The following SPIRE1 variants were observed in gnomAD, a reference collection of about 807,000 sequenced individuals.
SPIRE1 encodes the protein spire type actin nucleation factor 1.
In SPIRE1, 40 loss-of-function variants were observed where a neutral mutation model predicts 94.1. The observed-to-expected ratio is 0.43, with a 90% CI of 0.33 to 0.55. The LOEUF (loss-of-function observed/expected upper bound fraction) is 0.55. SPIRE1 is among the 20% of genes least tolerant of loss of function. The pLI, the probability that SPIRE1 is intolerant of heterozygous loss-of-function variation, is 0.06. For synonymous variants in SPIRE1, 376 were observed against 371.7 expected (o/e 1.01, Z -0.13); for missense variants, 838 against 975.2 (o/e 0.86, Z 1.87).
intron 10 of SPIRE1, among the ~76,000 whole-genome samples, chr18:12,474,471 T>G (rs1650365204): frequency 6.6e-6 from 1 of 152,180 alleles, no homozygotes. Flanking sequence ...CATTTCCAGC[T>G]GATTGACACT....
chr18:12,459,640 A>C (rs2031687792), intron 12 of SPIRE1: 1 of 537,938 alleles, frequency 1.9e-6, no homozygotes, highest in Non-Finnish European at 2.4e-6. Context: ...GGAATCAATG[A>C]TTGGAAGCAA....
chr18:12,594,640 T>C (rs2036621707), intron 2 of SPIRE1, among the ~76,000 whole-genome samples: 1 of 152,244 alleles, frequency 6.6e-6, no homozygotes, highest in Non-Finnish European at 1.5e-5. Flanking sequence ...ATTTTTCCTT[T>C]GCTTTTGCTT....
intron 16 of SPIRE1, among the ~76,000 whole-genome samples, chr18:12,451,381 T>C (rs1220015092): frequency 1.3e-5 from 2 of 152,192 alleles, no homozygotes; most frequent in Non-Finnish European, 2.9e-5. Context: ...AGTAAATATT[T>C]CCAGGAATGT....
chr18:12,466,527 G>A (rs1244750989), intron 10 of SPIRE1, among the ~76,000 whole-genome samples: 2 of 151,982 alleles, frequency 1.3e-5, no homozygotes, highest in Non-Finnish European at 2.9e-5. Flanking sequence ...TGATCTGCCT[G>A]CCTCAGCCTC....
At chr18:12,637,419 T>C (rs2037964296) in intron 1 of SPIRE1, among the ~76,000 whole-genome samples, 1 of 151,334 alleles carries the variant, frequency 6.6e-6, no homozygotes. Context: ...ATTCTGAAGA[T>C]AAAGAGAATT....
At chr18:12,475,769 C>T (rs187430551) in intron 10 of SPIRE1, among the ~76,000 whole-genome samples, 121 of 152,258 alleles carry the variant, frequency 7.9e-4, no homozygotes, top group Non-Finnish European at 1.2e-3. Flanking sequence ...AAAACTACCA[C>T]GTTTTGGAAC....
At chr18:12,480,907 C>T (rs1568197894) in intron 9 of SPIRE1, among the ~76,000 whole-genome samples, 2 of 152,182 alleles carry the variant, frequency 1.3e-5, no homozygotes, top group Admixed American at 6.5e-5. Context: ...CCAGCACACT[C>T]GACTGCTCTT....
chr18:12,479,906 C>G (rs772527326), intron 9 of SPIRE1, 35 bp from the exon 10 acceptor site: 1 of 1,591,774 alleles, frequency 6.3e-7, no homozygotes, highest in South Asian at 1.1e-5. Context: ...TTTTCTTGAG[C>G]CAAGAAAGGT....
chr18:12,487,548 C>T (rs2032428321), intron 8 of SPIRE1, among the ~76,000 whole-genome samples: 1 of 151,844 alleles, frequency 6.6e-6, no homozygotes, highest in Non-Finnish European at 1.5e-5. Context: ...GTGCCTGCCA[C>T]CAGGCCCAGC....
upstream of SPIRE1, among the ~76,000 whole-genome samples, chr18:12,659,149 T>C (rs2038642611): frequency 6.6e-6 from 1 of 152,200 alleles, no homozygotes; most frequent in Non-Finnish European, 1.5e-5. Context: ...CTACAGAGTG[T>C]TGAAAGCATC....
At chr18:12,656,736 C>A (rs1598593752) in intron 1 of SPIRE1, 18 of 970,588 alleles carry the variant, frequency 1.9e-5, no homozygotes, top group Non-Finnish European at 2.1e-5. Context: ...TCTGAGTAAA[C>A]CCTGGCTATA....
intron 2 of SPIRE1, among the ~76,000 whole-genome samples, chr18:12,600,631 C>A (rs1385823642): frequency 6.6e-6 from 1 of 152,114 alleles, no homozygotes. Flanking sequence ...TAAGGAAGAA[C>A]TTTCCTTTCT....
intron 9 of SPIRE1, among the ~76,000 whole-genome samples, chr18:12,484,178 GCAGCCAAC>G (rs1231525780): frequency 3.9e-5 from 6 of 152,092 alleles, no homozygotes; most frequent in Admixed American, 2.0e-4. Context: ...ATGTGTTTAG[GCAGCCAAC>G]CACTCGCTTT....
rs72877239 is a variant in SPIRE1 at position 12,499,222 on chromosome 18, T to G, written c.973-3120A>C. Among the ~76,000 whole-genome samples the G allele has an allele frequency of 3.9e-5, 6 of 152,270 alleles. No homozygotes were observed. In the South Asian group the frequency reaches 6.2e-4, roughly 16 times the overall value. ...GGGCCAAACATCCTTCTTTGCATGT[T>G]GATACCTAGTTGTCCCAATATCAAT... On this transcript the variant is annotated intron_variant, in intron 6 of 16. Coordinates refer to ENST00000409402, the MANE Select transcript of SPIRE1 (RefSeq NM_001128626.2).
At chr18:12,549,766 T>C (rs1941501207) in intron 2 of SPIRE1, among the ~76,000 whole-genome samples, 1 of 151,928 alleles carries the variant, frequency 6.6e-6, no homozygotes, top group Non-Finnish European at 1.5e-5. Flanking sequence ...TCCTTCTTCC[T>C]AGGGAGGCGG....
At chr18:12,498,275 A>T (rs1399148469) in intron 6 of SPIRE1, among the ~76,000 whole-genome samples, 4 of 152,212 alleles carry the variant, frequency 2.6e-5, no homozygotes, top group African/African-American at 9.7e-5. Context: ...ATTTTCCTGT[A>T]AGTAAACAAG....
At chr18:12,523,097 C>T (rs1041562532) in intron 4 of SPIRE1, among the ~76,000 whole-genome samples, 1 of 152,116 alleles carries the variant, frequency 6.6e-6, no homozygotes, top group African/African-American at 2.4e-5. Context: ...ACTGGTGATT[C>T]ATGAAAGGAG....
chr18:12,658,100 T>A lies in SPIRE1; in HGVS notation c.-234A>T, dbSNP rs2038611930. ...CAGCCGCCGGCCGGTAGCGACGCGA[T>A]GGCGTCCGGCGCCCCGCCCCGCCCC... is the stretch of plus-strand genomic sequence containing the variant. On this transcript the variant is annotated 5_prime_UTR_variant, in exon 1 of 17. Transcript: ENST00000409402. The A allele has an allele frequency of 1.0e-6, 1 of 960,722 alleles. No individual in the cohort carries two copies. Among genetic ancestry groups the A allele is most frequent in the South Asian group, 4.6e-5 (1 of 21,958 alleles). 59.5% of individuals were successfully genotyped at this position (960,722 alleles called of 1,614,324 possible). A position where few individuals can be genotyped will look rare whatever the true frequency, so the allele number is the denominator to read the frequency against.
At chr18:12,505,121 C>G (rs770121481) in intron 6 of SPIRE1, among the ~76,000 whole-genome samples, 16 of 152,072 alleles carry the variant, frequency 1.1e-4, no homozygotes, top group Non-Finnish European at 2.2e-4. Flanking sequence ...ATGACATGAT[C>G]ATATTTTTTA....
Sources: allele counts gnomAD v4.1 joint callset (sites outside exome capture counted in the v4.1 genomes callset), GRCh38; gene constraint gnomAD v4.1.1; transcripts MANE v1.5; gene names NCBI Gene and HGNC (gene_info 2026-07-23, HGNC 2026-07-21).